SLA2: variants seen among roughly 807,000 people sequenced by gnomAD.
SLA2 encodes the protein src-like-adapter 2.
Under a neutral mutation model 27.3 loss-of-function variants are expected in SLA2, and 22 were observed. The observed-to-expected ratio is 0.81, with a 90% CI of 0.58 to 1.15. SLA2 has a LOEUF of 1.15. SLA2 is among the 50% of genes most tolerant of loss of function. The pLI, the probability that SLA2 is intolerant of heterozygous loss-of-function variation, is 0.00. For synonymous variants in SLA2, 131 were observed against 137.8 expected, an observed-to-expected ratio of 0.95 and a Z score of 0.34; for missense variants, 304 against 322.2, an observed-to-expected ratio of 0.94 and a Z score of 0.43.
At chr20:36,617,403 T>C (rs1196778393) in intron 5 of SLA2, among the ~76,000 whole-genome samples, 1 of 151,194 alleles carries the variant, frequency 6.6e-6, no homozygotes, top group Non-Finnish European at 1.5e-5. Flanking sequence ...GCAGAGTGGC[T>C]CATGCCTGTA....
At chr20:36,642,479 T>C (rs1237795669) in intron 1 of SLA2, among the ~76,000 whole-genome samples, 1 of 151,870 alleles carries the variant, frequency 6.6e-6, no homozygotes, top group Admixed American at 6.6e-5. Flanking sequence ...TCCTAGCTCA[T>C]TGCACCCTTG....
At chr20:36,629,978 TCA>T (rs1455720740) in intron 5 of SLA2, among the ~76,000 whole-genome samples, 3 of 151,566 alleles carry the variant, frequency 2.0e-5, no homozygotes, top group Non-Finnish European at 4.4e-5. Context: ...CTCTTCTCAC[TCA>T]CAGAGTTTTC....
chr20:36,614,043 C>G, intron 7 of SLA2, 57 bp from the exon 8 acceptor site: 1 of 1,602,090 alleles, frequency 6.2e-7, no homozygotes, highest in Non-Finnish European at 8.5e-7. Context: ...CCTGTACTCA[C>G]TACACACAAA....
intron 2 of SLA2, among the ~76,000 whole-genome samples, chr20:36,634,856 C>T (rs1319149681): frequency 6.6e-6 from 1 of 151,976 alleles, no homozygotes; most frequent in African/African-American, 2.4e-5. Context: ...ATCACCACTG[C>T]ACGTAGGCTG....
In SLA2 at chr20:36,614,421, G is replaced by C; in HGVS notation, c.549C>G (p.Ile183Met). 3 of 1,610,598 alleles carry C rather than the reference G, an allele frequency of 1.9e-6. No homozygotes were observed. The highest frequency in any genetic ancestry group is 1.3e-5 in the African/African-American group (1 of 74,894). Residue 183 changes from isoleucine (I) to methionine (M), a missense_variant, in exon 7 of 8, where the codon ATC becomes ATG. Ile to Met is a conservative substitution (Grantham distance 10). Coordinates refer to ENST00000262866, the MANE Select transcript of SLA2 (RefSeq NM_032214.4). ...VDHYSELADD[I>M]CCLLKEPCVL... ...CACAGGGCTCCTTGAGTAGGCAGCAGATGTCATCCGCCAGCTCTGAGGAAG... is the reference window on the plus strand; with the variant it reads ...CACAGGGCTCCTTGAGTAGGCAGCACATGTCATCCGCCAGCTCTGAGGAAG...
At chr20:36,631,667 T>C (rs912563978) in intron 5 of SLA2, among the ~76,000 whole-genome samples, 4 of 152,182 alleles carry the variant, frequency 2.6e-5, no homozygotes, top group African/African-American at 9.7e-5. Context: ...AATAGAGGTA[T>C]GTTTCCCAAA....
rs1448482676 is a variant in SLA2, at chr20:36,641,368, T to C, written c.-33A>G. The C allele has an allele frequency of 1.9e-6, 3 of 1,581,452 alleles. No individual in the cohort carries two copies. Among genetic ancestry groups the C allele is most frequent in the Non-Finnish European group, 2.6e-6 (3 of 1,150,880 alleles). ...CAGCAGAGCACTCAGAAGCACATCA[T>C]CGAGGGAAATCTGAAAGAGACACAG... On this transcript the variant is annotated 5_prime_UTR_variant, in exon 2 of 8. It removes an upstream start codon present in the reference 5' UTR. Coordinates refer to ENST00000262866, the MANE Select transcript of SLA2 (RefSeq NM_032214.4).
chr20:36,613,889 C>G lies in SLA2; in HGVS notation c.763G>C (p.Ala255Pro). 1 of 1,613,916 alleles carries G rather than the reference C, an allele frequency of 6.2e-7. No individual in the cohort carries two copies. The highest frequency in any genetic ancestry group is 8.5e-7 in the Non-Finnish European group (1 of 1,179,930). Residue 255 changes from alanine to proline, a missense_variant, in exon 8 of 8, where the codon GCT becomes CCT. Ala to Pro is a conservative substitution (Grantham distance 27, BLOSUM62 -1). Transcript: ENST00000262866. ...GCCTAGGCATCATCCAAAGAGACAG[C>G]CTCGTCATTCAGGCTGATGTAGAAG... is the stretch of plus-strand genomic sequence containing the variant. ...LSFYISLNDE[A>P]VSLDDA
intron 1 of SLA2, among the ~76,000 whole-genome samples, chr20:36,642,875 G>T (rs868368244): frequency 6.6e-6 from 1 of 151,780 alleles, no homozygotes; most frequent in Non-Finnish European, 1.5e-5. Context: ...ATGAGCCACC[G>T]CACCCGGTCC....
intron 5 of SLA2, among the ~76,000 whole-genome samples, chr20:36,622,510 A>G (rs1009062641): frequency 3.9e-5 from 6 of 152,232 alleles, no homozygotes; most frequent in Admixed American, 6.5e-5. Flanking sequence ...GTAACAAATT[A>G]CCATCAATTC....
intron 2 of SLA2, among the ~76,000 whole-genome samples, chr20:36,638,093 A>G (rs934418206): frequency 6.6e-6 from 1 of 151,172 alleles, no homozygotes; most frequent in African/African-American, 2.4e-5. Flanking sequence ...GGGTTTCACT[A>G]TGTTGGTCAG....
At chr20:36,615,426 C>T (rs755451511) in intron 5 of SLA2, 52 bp from the exon 6 acceptor site, 1 of 1,605,370 alleles carries the variant, frequency 6.2e-7, no homozygotes, top group Non-Finnish European at 8.5e-7. Flanking sequence ...GGGACTCGGC[C>T]CCACCTAGGC....
In SLA2 at chr20:36,612,348, T is replaced by G. The variant is rs1298977043; in HGVS notation, c.*1518A>C. ...CAAGTGGAGCTGTCATTTAATTTGATGCACCTCTGGATTCAGATGAAACAT... is the reference window on the plus strand; with the variant it reads ...CAAGTGGAGCTGTCATTTAATTTGAGGCACCTCTGGATTCAGATGAAACAT... On this transcript the variant is annotated 3_prime_UTR_variant, in exon 8 of 8. Coordinates refer to ENST00000262866, the MANE Select transcript of SLA2 (RefSeq NM_032214.4). The G allele has an allele frequency of 1.2e-6, 1 of 846,478 alleles. No individual in the cohort carries two copies. The highest frequency in any genetic ancestry group is 2.0e-6 in the Non-Finnish European group (1 of 510,386). 52.4% of individuals were successfully genotyped at this position (846,478 alleles called of 1,614,324 possible). A position where few individuals can be genotyped will look rare whatever the true frequency, so the allele number is the denominator to read the frequency against.
intron 5 of SLA2, among the ~76,000 whole-genome samples, chr20:36,619,931 CA>C (rs527271053): frequency 4.0e-5 from 6 of 148,860 alleles, no homozygotes; most frequent in South Asian, 4.3e-4. Context: ...CGTGCCTGGC[CA>C]AAAAAAAATT....
At chr20:36,631,340 G>T (rs892956861) in intron 5 of SLA2, among the ~76,000 whole-genome samples, 7 of 152,146 alleles carry the variant, frequency 4.6e-5, no homozygotes, top group Non-Finnish European at 8.8e-5. Flanking sequence ...TTTTTGTAGA[G>T]AAGTGGTCTC....
intron 5 of SLA2, among the ~76,000 whole-genome samples, chr20:36,625,918 A>G (rs2147985583): frequency 6.6e-6 from 1 of 152,122 alleles, no homozygotes; most frequent in African/African-American, 2.4e-5. Context: ...TGAGGTCAGA[A>G]GTTCAAGACT....
intron 6 of SLA2, chr20:36,614,988 A>G: frequency 1.0e-6 from 1 of 985,172 alleles, no homozygotes; most frequent in South Asian, 4.7e-5. Flanking sequence ...CCAGAGTGGT[A>G]GGCAAGGTAC....
intron 5 of SLA2, among the ~76,000 whole-genome samples, chr20:36,631,078 C>A (rs892915920): frequency 2.0e-5 from 3 of 152,226 alleles, no homozygotes; most frequent in African/African-American, 7.2e-5. Flanking sequence ...CAGAGAAATT[C>A]TGTGACTATA....
At chr20:36,640,505 CTTT>C (rs1162794643) in intron 2 of SLA2, among the ~76,000 whole-genome samples, 129 of 133,252 alleles carry the variant, frequency 9.7e-4, no homozygotes, top group African/African-American at 3.3e-3. Flanking sequence ...GATGAAAGAC[CTTT>C]TTTTTTTTTT....
Sources: allele counts gnomAD v4.1 joint callset (sites outside exome capture counted in the v4.1 genomes callset), GRCh38; gene constraint gnomAD v4.1.1; transcripts MANE v1.5; gene names NCBI Gene and HGNC (gene_info 2026-07-23, HGNC 2026-07-21).